The following ZNF641 variants were observed in gnomAD, a reference collection of about 807,000 sequenced individuals.
ZNF641 encodes the protein zinc finger protein 641.
A neutral mutation model predicts 46.2 loss-of-function variants in ZNF641; 26 were observed. The observed-to-expected ratio is 0.56, with a 90% CI of 0.41 to 0.78. The LOEUF (loss-of-function observed/expected upper bound fraction) is 0.78, where lower values mean the gene tolerates loss of function less well. Ranked by LOEUF, ZNF641 falls within the 30% of genes least tolerant of loss-of-function variation. The pLI, the probability that ZNF641 is intolerant of heterozygous loss-of-function variation, is 0.00. For missense variants in ZNF641, 469 were observed against 517.8 expected (o/e 0.91, Z 0.91); for synonymous variants, 163 against 187.9 (o/e 0.87, Z 1.09).
In ZNF641 at chr12:48,338,019, G is replaced by A. The variant is rs1195348368; in HGVS notation, c.*4954C>T. On this transcript the variant is annotated 3_prime_UTR_variant, in exon 6 of 6. Transcript: ENST00000547026. Reference sequence around the variant, plus strand: ...GGTGGAGTAGTGGTGGTGTCCTGTGGGAGTGTGTATGAGAAAGGGGCAGAG... The same window carrying A: ...GGTGGAGTAGTGGTGGTGTCCTGTGAGAGTGTGTATGAGAAAGGGGCAGAG... 3.9e-5 allele frequency: 6 copies of A among 152,708 alleles called. 1 individual carries two copies. Among genetic ancestry groups the A allele is most frequent in the Admixed American group, 3.3e-4 (5 of 15,284 alleles). The allele number at this position is 152,708 out of a possible 1,614,324, so 9.5% of individuals were successfully genotyped here.
chr12:48,347,468 A>C, intron 2 of ZNF641, 125 bp from the exon 3 acceptor site: 2 of 773,616 alleles, frequency 2.6e-6, no homozygotes, highest in Non-Finnish European at 3.9e-6. Context: ...GTAAAACTCA[A>C]ATGCATAAAT....
At chr12:48,334,640 C>T (rs946911636), downstream of ZNF641, among the ~76,000 whole-genome samples, 1 of 152,036 alleles carries the variant, frequency 6.6e-6, no homozygotes, top group Non-Finnish European at 1.5e-5. Context: ...TGGAAGAATG[C>T]CTCTGAAAAG....
At chr12:48,344,437 C>T (rs540427632) in intron 5 of ZNF641, 162 bp downstream of exon 5, 9 of 476,620 alleles carry the variant, frequency 1.9e-5, no homozygotes, top group African/African-American at 1.6e-4. Flanking sequence ...CCACAAAGTG[C>T]CTGCTACATC....
At position 48,340,393 on chromosome 12, in the gene ZNF641, T is replaced by C; in HGVS notation, c.*2580A>G. ...TGATCTAATAGTAAGGAATATCACT[T>C]CCCACAAGTCCTTCAAACAAGATTT... On this transcript the variant is annotated 3_prime_UTR_variant, in exon 6 of 6. Transcript: ENST00000547026. 1.0e-6 allele frequency: 1 copy of C among 985,428 alleles called. No homozygotes were observed. Among genetic ancestry groups the C allele is most frequent in the Non-Finnish European group, 1.2e-6 (1 of 829,936 alleles). The allele number at this position is 985,428 out of a possible 1,614,324, so 61.0% of individuals were successfully genotyped here. A position where few individuals can be genotyped will look rare whatever the true frequency, so the allele number is the denominator to read the frequency against.
rs1159489317 is a variant in ZNF641, at chr12:48,342,748, G to C, written c.*225C>G. 2 of 1,364,620 alleles carry C rather than the reference G, an allele frequency of 1.5e-6. No homozygotes were observed. Among genetic ancestry groups the C allele is most frequent in the Admixed American group, 6.4e-5 (2 of 31,222 alleles). The allele number at this position is 1,364,620 out of a possible 1,614,324, so 84.5% of individuals were successfully genotyped here. ...CTCAGGCTGAATATCAGCCCATGTA[G>C]GATGCATTGCTTCCCAAAAGTTTTG... On this transcript the variant is annotated 3_prime_UTR_variant, in exon 6 of 6. Coordinates refer to ENST00000547026, the MANE Select transcript of ZNF641 (RefSeq NM_001172681.2).
rs1387325249 is a variant in ZNF641 at position 48,344,735 on chromosome 12, G to A, written c.407-23C>T. 3.5e-6 allele frequency: 5 copies of A among 1,443,178 alleles called. No homozygotes were observed. The African/African-American group carries it at 7.1e-5, about 20-fold the overall frequency. The allele number at this position is 1,443,178 out of a possible 1,614,324, so 89.4% of individuals were successfully genotyped here. A position where few individuals can be genotyped will look rare whatever the true frequency, so the allele number is the denominator to read the frequency against. On this transcript the variant is annotated intron_variant, in intron 4 of 5. Coordinates refer to ENST00000547026, the MANE Select transcript of ZNF641 (RefSeq NM_001172681.2). The stretch of plus-strand genomic sequence containing the variant: ...ATCCTGCTCATGGGAAAGGAAAATA[G>A]AGCTGTCAATTAGTTCAACAGCAAT...
chr12:48,342,146 A>G lies in ZNF641; in HGVS notation c.*827T>C, dbSNP rs1161687043. On this transcript the variant is annotated 3_prime_UTR_variant, in exon 6 of 6. Coordinates refer to ENST00000547026, the MANE Select transcript of ZNF641 (RefSeq NM_001172681.2). Reference sequence around the variant, plus strand: ...GTTTTTCTGTTTTTCTGTGTGGGCCAGGGCTATTTGGGGGTATTAGATCAT... The same window carrying G: ...GTTTTTCTGTTTTTCTGTGTGGGCCGGGGCTATTTGGGGGTATTAGATCAT... 2.0e-6 allele frequency: 2 copies of G among 985,394 alleles called. No homozygotes were observed. Among genetic ancestry groups the G allele is most frequent in the Admixed American group, 6.1e-5 (1 of 16,264 alleles). 61.0% of individuals were successfully genotyped at this position (985,394 alleles called of 1,614,324 possible).
In ZNF641 at chr12:48,340,553, A is replaced by C; in HGVS notation, c.*2420T>G. On this transcript the variant is annotated 3_prime_UTR_variant, in exon 6 of 6. Coordinates refer to ENST00000547026, the MANE Select transcript of ZNF641 (RefSeq NM_001172681.2). ...ATGCCTCTGGTACCTTAATCCTTAA[A>C]ATATTTAGTGACCCTTGCCTTCTAA... The C allele has an allele frequency of 4.1e-6, 4 of 985,438 alleles. No homozygotes were observed. Among genetic ancestry groups the C allele is most frequent in the Non-Finnish European group, 4.8e-6 (4 of 829,930 alleles). The allele number at this position is 985,438 out of a possible 1,614,324, so 61.0% of individuals were successfully genotyped here. A position where few individuals can be genotyped will look rare whatever the true frequency, so the allele number is the denominator to read the frequency against.
chr12:48,336,734 C>T (rs1592136347), downstream of ZNF641, among the ~76,000 whole-genome samples: 1 of 152,338 alleles, frequency 6.6e-6, no homozygotes, highest in African/African-American at 2.4e-5. Flanking sequence ...CTCACTACCG[C>T]CACCACTTGG....
rs559360949 is a variant in ZNF641 at position 48,342,129 on chromosome 12, G to C, written c.*844C>G. 2 of 985,254 alleles carry C rather than the reference G, an allele frequency of 2.0e-6. No individual in the cohort carries two copies. Among genetic ancestry groups the C allele is most frequent in the Non-Finnish European group, 2.4e-6 (2 of 830,006 alleles). 61.0% of individuals were successfully genotyped at this position (985,254 alleles called of 1,614,324 possible). On this transcript the variant is annotated 3_prime_UTR_variant, in exon 6 of 6. Transcript: ENST00000547026. ...GGGATAAAGTTTTTTTTGTTTTTCT[G>C]TTTTTCTGTGTGGGCCAGGGCTATT...
At position 48,341,546 on chromosome 12, in the gene ZNF641, A is replaced by C; in HGVS notation, c.*1427T>G. ...GCAGCTGAAAAGCTAAGCCACAGCC[A>C]TTTTCCCTAAAGTTCTGTTTCTGGG... On this transcript the variant is annotated 3_prime_UTR_variant, in exon 6 of 6. Transcript: ENST00000547026. The C allele has an allele frequency of 4.1e-6, 4 of 985,468 alleles. No individual in the cohort carries two copies. Among genetic ancestry groups the C allele is most frequent in the Non-Finnish European group, 4.8e-6 (4 of 829,946 alleles). The allele number at this position is 985,468 out of a possible 1,614,324, so 61.0% of individuals were successfully genotyped here. A position where few individuals can be genotyped will look rare whatever the true frequency, so the allele number is the denominator to read the frequency against.
chr12:48,335,756 T>C (rs1952599909), downstream of ZNF641, among the ~76,000 whole-genome samples: 1 of 152,190 alleles, frequency 6.6e-6, no homozygotes, highest in Non-Finnish European at 1.5e-5. Context: ...ATCCCTAGTA[T>C]TCATTCCTTA....
In ZNF641 at chr12:48,343,697, G is replaced by A; in HGVS notation, c.551C>T (p.Pro184Leu). The change falls in exon 6 of 6, where the codon CCT (proline) becomes CTT (leucine). Residue 184 changes from proline (P) to leucine (L), a missense_variant. By Grantham distance (98) the Pro-to-Leu change is moderately conservative (BLOSUM62 -3). This residue lies in a region of ZNF641 where 346 missense variants were observed against 354.0 expected (regional missense o/e 0.98). Transcript: ENST00000547026. ...GDGSEHEGDT[P>L]ELEAEPPRML... Reference sequence around the variant, plus strand: ...TCTGGGAGGTTCTGCTTCTAGTTCAGGGGTATCCCCCTCATGTTCACTTCC... The same window carrying A: ...TCTGGGAGGTTCTGCTTCTAGTTCAAGGGTATCCCCCTCATGTTCACTTCC... 1.3e-6 allele frequency: 2 copies of A among 1,512,876 alleles called. No individual in the cohort carries two copies. Among genetic ancestry groups the A allele is most frequent in the Non-Finnish European group, 1.8e-6 (2 of 1,130,654 alleles). The allele number at this position is 1,512,876 out of a possible 1,614,324, so 93.7% of individuals were successfully genotyped here.
At position 48,350,808 on chromosome 12, in the gene ZNF641, C is replaced by G; in HGVS notation, c.-48G>C. On this transcript the variant is annotated 5_prime_UTR_variant, in exon 1 of 6. Transcript: ENST00000547026. ...CACCCCCGGTAGGCTTGGCCCGCGG[C>G]CCGGTGCCTCCCTCCCGGGCGCCGC... is the stretch of plus-strand genomic sequence containing the variant. The G allele has an allele frequency of 2.0e-6, 2 of 984,666 alleles. No individual in the cohort carries two copies. Among genetic ancestry groups the G allele is most frequent in the Non-Finnish European group, 2.4e-6 (2 of 829,258 alleles). 61.0% of individuals were successfully genotyped at this position (984,666 alleles called of 1,614,324 possible). A position where few individuals can be genotyped will look rare whatever the true frequency, so the allele number is the denominator to read the frequency against.
At chr12:48,347,382 C>A in intron 2 of ZNF641, 39 bp from the exon 3 acceptor site, 1 of 1,552,596 alleles carries the variant, frequency 6.4e-7, no homozygotes, top group Non-Finnish European at 8.7e-7. Context: ...GAATAACGAT[C>A]TACCCTTTCT....
rs1047707484 is a variant in ZNF641 at position 48,339,955 on chromosome 12, G to C, written c.*3018C>G. 2.1e-5 allele frequency: 21 copies of C among 985,388 alleles called. No homozygotes were observed. The highest frequency in any genetic ancestry group is 2.5e-5 in the Non-Finnish European group (21 of 829,918). 61.0% of individuals were successfully genotyped at this position (985,388 alleles called of 1,614,324 possible). A position where few individuals can be genotyped will look rare whatever the true frequency, so the allele number is the denominator to read the frequency against. The stretch of plus-strand genomic sequence containing the variant: ...GGAAAGGGGAGGATACTCAGAATAG[G>C]GTGGAGGTACCAGATGGAAAAATGT... On this transcript the variant is annotated 3_prime_UTR_variant, in exon 6 of 6. Transcript: ENST00000547026.
At position 48,348,036 on chromosome 12, in the gene ZNF641, G is replaced by A; in HGVS notation, c.55C>T (p.Gln19Ter). 1 of 1,614,174 alleles carries A rather than the reference G, an allele frequency of 6.2e-7. No individual in the cohort carries two copies. Among genetic ancestry groups the A allele is most frequent in the Non-Finnish European group, 8.5e-7 (1 of 1,180,046 alleles). ...LGTGWESMNV[Q>*]LDGAEPQVER... ...ACCTGGGGCTCTGCTCCATCCAGCTGTACATTCATTGATTCCCATCCTGTC... is the reference window on the plus strand; with the variant it reads ...ACCTGGGGCTCTGCTCCATCCAGCTATACATTCATTGATTCCCATCCTGTC... Residue 19 changes from glutamine (Q) to a stop codon, truncating the protein, a stop_gained, in exon 2 of 6, where the codon CAG (glutamine) becomes TAG (stop). Coordinates refer to ENST00000547026, the MANE Select transcript of ZNF641 (RefSeq NM_001172681.2). LOFTEE classifies it high-confidence loss of function.
At position 48,348,050 on chromosome 12, in the gene ZNF641, T is replaced by C; in HGVS notation, c.41A>G (p.Glu14Gly). ...TCCATCCAGCTGTACATTCATTGAT[T>C]CCCATCCTGTCCCCAGCGCTGCTGT... Reference protein sequence around the residue: ...EQTAALGTGWESMNVQLDGAE... With the variant: ...EQTAALGTGWGSMNVQLDGAE... The change falls in exon 2 of 6, where the codon GAA (glutamate) becomes GGA (glycine). Residue 14 changes from glutamate (E) to glycine (G), a missense_variant. By Grantham distance (98) the Glu-to-Gly change is moderately conservative. Transcript: ENST00000547026. 1 of 1,614,214 alleles carries C rather than the reference T, an allele frequency of 6.2e-7. No individual in the cohort carries two copies. The highest frequency in any genetic ancestry group is 8.5e-7 in the Non-Finnish European group (1 of 1,180,038).
Position 48,341,992 on chromosome 12 carries a change from C to T in ZNF641, c.*981G>A, listed in dbSNP as rs553331855. The stretch of plus-strand genomic sequence containing the variant: ...CTACCCTCATCCCCAGAACACAGCC[C>T]CTAGAAAACCTAGCTTGTACAGTTT... On this transcript the variant is annotated 3_prime_UTR_variant, in exon 6 of 6. Coordinates refer to ENST00000547026, the MANE Select transcript of ZNF641 (RefSeq NM_001172681.2). 1.0e-6 allele frequency: 1 copy of T among 985,368 alleles called. No homozygotes were observed. Among genetic ancestry groups the T allele is most frequent in the Non-Finnish European group, 1.2e-6 (1 of 829,976 alleles). The allele number at this position is 985,368 out of a possible 1,614,324, so 61.0% of individuals were successfully genotyped here.
Sources: allele counts gnomAD v4.1 joint callset (sites outside exome capture counted in the v4.1 genomes callset), GRCh38; gene constraint gnomAD v4.1.1; regional missense constraint gnomAD v4.1.1; transcripts MANE v1.5; gene names NCBI Gene and HGNC (gene_info 2026-07-23, HGNC 2026-07-21).